The following IL1RAPL1 variants were observed in gnomAD, a reference collection of about 807,000 sequenced individuals.
IL1RAPL1 encodes interleukin-1 receptor accessory protein-like 1.
Under a neutral mutation model 48.4 loss-of-function variants are expected in IL1RAPL1, and 3 were observed. That is an observed-to-expected ratio of 0.06 (90% CI 0.03 to 0.16). The LOEUF (loss-of-function observed/expected upper bound fraction) is 0.16, where lower values mean the gene tolerates loss of function less well. IL1RAPL1 is among the 10% of genes least tolerant of loss of function. The pLI, the probability that IL1RAPL1 is intolerant of heterozygous loss-of-function variation, is 1.00. For synonymous variants in IL1RAPL1, 185 were observed against 187.7 expected, an observed-to-expected ratio of 0.99 and a Z score of 0.12; for missense variants, 349 against 530.6, an observed-to-expected ratio of 0.66 and a Z score of 3.36.
chrX:29,906,565 C>CTACTT (rs1352360528), intron 6 of IL1RAPL1, among the ~76,000 whole-genome samples: 2 of 82,224 alleles, frequency 2.4e-5, no homozygotes, highest in Admixed American at 1.6e-4. Flanking sequence ...GTTTTATATC[C>CTACTT]TACTTTCTTG....
chrX:28,871,334 T>C (rs1444455238), intron 2 of IL1RAPL1, among the ~76,000 whole-genome samples: 4 of 111,976 alleles, frequency 3.6e-5, no homozygotes, highest in Admixed American at 9.5e-5. Context: ...ACAAAGCACA[T>C]TTGGTTATAT....
rs771254425 is a variant in IL1RAPL1, at chrX:28,760,985, C to T, written c.-24-28335C>T. Among the ~76,000 whole-genome samples, 95 of 107,971 alleles carry T rather than the reference C, an allele frequency of 8.8e-4. 1 individual carries two copies. Among genetic ancestry groups the T allele is most frequent in the Non-Finnish European group, 1.7e-3 (87 of 52,325 alleles). The allele number at this position is 107,971 out of a possible 115,157, so 93.8% of individuals were successfully genotyped here. A position where few individuals can be genotyped will look rare whatever the true frequency, so the allele number is the denominator to read the frequency against. ...GTTATAGTCCCAGCTACTTAGGAGG[C>T]TGAGGTGGGAGAATTGCTTGAACCT... On this transcript the variant is annotated intron_variant, in intron 1 of 10. Coordinates refer to ENST00000378993, the MANE Select transcript of IL1RAPL1 (RefSeq NM_014271.4).
intron 2 of IL1RAPL1, among the ~76,000 whole-genome samples, chrX:29,088,672 C>CAAAAAAAA (rs1182451817): frequency 3.0e-5 from 1 of 32,883 alleles, no homozygotes; most frequent in Non-Finnish European, 5.6e-5. Flanking sequence ...CACTCCTTCT[C>CAAAAAAAA]AAAAAAAAAA....
At chrX:28,673,596 G>A (rs1048024492) in intron 1 of IL1RAPL1, among the ~76,000 whole-genome samples, 2 of 111,658 alleles carry the variant, frequency 1.8e-5, no homozygotes, top group Non-Finnish European at 3.8e-5. Flanking sequence ...CATTTCCCTG[G>A]CCAGTGTCCT....
chrX:28,968,006 TC>T (rs759335835), intron 2 of IL1RAPL1, among the ~76,000 whole-genome samples: 1 of 111,843 alleles, frequency 8.9e-6, no homozygotes, highest in Non-Finnish European at 1.9e-5. Context: ...CTTCCCACAT[TC>T]TTTTCTCATA....
At chrX:29,938,953 A>C (rs1933080008) in intron 8 of IL1RAPL1, among the ~76,000 whole-genome samples, 1 of 112,393 alleles carries the variant, frequency 8.9e-6, no homozygotes, top group African/African-American at 3.2e-5. Context: ...TCATATGAAC[A>C]TACAATAGTT....
chrX:29,542,074 C>G (rs1378494316), intron 5 of IL1RAPL1, among the ~76,000 whole-genome samples: 1 of 111,408 alleles, frequency 9.0e-6, no homozygotes, highest in Non-Finnish European at 1.9e-5. Flanking sequence ...TCCTTACTGG[C>G]TGGGATAAGA....
intron 6 of IL1RAPL1, among the ~76,000 whole-genome samples, chrX:29,695,607 A>AGG (rs954483212): frequency 2.8e-5 from 3 of 108,813 alleles, no homozygotes; most frequent in Admixed American, 9.9e-5. Flanking sequence ...CGAGAGAGAG[A>AGG]GAGAGAGAGA....
intron 1 of IL1RAPL1, among the ~76,000 whole-genome samples, chrX:28,639,679 TA>T (rs1398468488): frequency 9.0e-6 from 1 of 111,377 alleles, no homozygotes; most frequent in Non-Finnish European, 1.9e-5. Flanking sequence ...AGAAGCAGAA[TA>T]AAAAAGGGAA....
chrX:29,422,454 A>G (rs1244352999), intron 5 of IL1RAPL1, among the ~76,000 whole-genome samples: 2 of 111,172 alleles, frequency 1.8e-5, no homozygotes, highest in African/African-American at 6.5e-5. Context: ...AGTTCCTTTC[A>G]AGGCTGAAAG....
chrX:29,347,741 T>C (rs1272785091), intron 3 of IL1RAPL1, among the ~76,000 whole-genome samples: 1 of 111,701 alleles, frequency 9.0e-6, no homozygotes, highest in African/African-American at 3.3e-5. Context: ...GGAAGCACTT[T>C]ATGGCTTCTC....
chrX:28,968,477 C>T (rs184135617), intron 2 of IL1RAPL1, among the ~76,000 whole-genome samples: 2 of 111,548 alleles, frequency 1.8e-5, no homozygotes, highest in Admixed American at 1.9e-4. Flanking sequence ...GTCCCTCAGC[C>T]TCTTTAACCC....
intron 2 of IL1RAPL1, among the ~76,000 whole-genome samples, chrX:29,108,557 A>G (rs1216542521): frequency 9.1e-6 from 1 of 109,872 alleles, no homozygotes; most frequent in African/African-American, 3.3e-5. Context: ...ATGCGCCACC[A>G]TGCCCGGCTA....
chrX:28,714,787 A>T, intron 1 of IL1RAPL1, among the ~76,000 whole-genome samples: 1 of 112,190 alleles, frequency 8.9e-6, no homozygotes, highest in East Asian at 2.8e-4. Flanking sequence ...TGGATGGCTG[A>T]GCTTTTCTGG....
rs190996822 is a variant in IL1RAPL1, at chrX:29,223,705, C to T, written c.83-59233C>T. On this transcript the variant is annotated intron_variant, in intron 2 of 10. Transcript: ENST00000378993. ...GGTTACAGGTGCATGCCACCGCACC[C>T]GGCTAATTTTTGTATTTTTAGTAGA... 1.3e-4 allele frequency among the ~76,000 whole-genome samples: 14 copies of T among 108,850 alleles called. No homozygotes were observed. In the East Asian group the frequency reaches 1.7e-3, roughly 14 times the overall value. The allele number at this position is 108,850 out of a possible 115,157, so 94.5% of individuals were successfully genotyped here.
Position 29,801,499 on chromosome X carries a change from A to G in IL1RAPL1, c.779-115965A>G, listed in dbSNP as rs184108451. Among the ~76,000 whole-genome samples the G allele has an allele frequency of 8.1e-4, 90 of 111,443 alleles. 1 individual carries two copies. Among genetic ancestry groups the G allele is most frequent in the African/African-American group, 2.8e-3 (85 of 30,625 alleles). Reference sequence around the variant, plus strand: ...ATTGAGACTACATCCCCCACAACCCACAGGACTTAAAAAGAGAGAGATTTA... The same window carrying G: ...ATTGAGACTACATCCCCCACAACCCGCAGGACTTAAAAAGAGAGAGATTTA... On this transcript the variant is annotated intron_variant, in intron 6 of 10. Coordinates refer to ENST00000378993, the MANE Select transcript of IL1RAPL1 (RefSeq NM_014271.4).
chrX:29,150,603 A>G (rs1433706735), intron 2 of IL1RAPL1, among the ~76,000 whole-genome samples: 1 of 110,133 alleles, frequency 9.1e-6, no homozygotes, highest in Non-Finnish European at 1.9e-5. Context: ...TAAATACAAG[A>G]TGGGTGTTTC....
chrX:29,444,559 A>G (rs1486761510), intron 5 of IL1RAPL1, among the ~76,000 whole-genome samples: 2 of 110,277 alleles, frequency 1.8e-5, no homozygotes, highest in Non-Finnish European at 3.8e-5. Context: ...AATATAGGGA[A>G]CCTGGGTGTT....
At chrX:29,058,752 G>A (rs1289059274) in intron 2 of IL1RAPL1, among the ~76,000 whole-genome samples, 1 of 111,435 alleles carries the variant, frequency 9.0e-6, no homozygotes, top group African/African-American at 3.3e-5. Context: ...CATGAACCAG[G>A]CAGCTTCTCT....
Sources: allele counts gnomAD v4.1 joint callset (sites outside exome capture counted in the v4.1 genomes callset), GRCh38; gene constraint gnomAD v4.1.1; transcripts MANE v1.5; gene names NCBI Gene and HGNC (gene_info 2026-07-23, HGNC 2026-07-21).